Variants in CDKN2C observed in about 807,000 individuals in gnomAD.
CDKN2C encodes the protein cyclin-dependent kinase 4 inhibitor C.
In CDKN2C, 5 loss-of-function variants were observed where a neutral mutation model predicts 11.0. The ratio of observed to expected loss-of-function variants is 0.45; its 90% CI spans 0.24 to 0.95. The LOEUF (loss-of-function observed/expected upper bound fraction) is 0.95, where lower values mean the gene tolerates loss of function less well. CDKN2C is among the 40% of genes least tolerant of loss of function. The pLI is 0.21. For synonymous variants in CDKN2C, 79 were observed against 88.3 expected, an observed-to-expected ratio of 0.89 and a Z score of 0.59; for missense variants, 161 against 211.9, an observed-to-expected ratio of 0.76 and a Z score of 1.49.
At position 50,970,306 on chromosome 1, in the gene CDKN2C, A is replaced by C. The variant is rs1055006084; in HGVS notation, c.-63A>C. ...GCCATCATGCAGCCTGGTTAGGAGCAAAGGAAAGGGGAAAAAGAAAAACGA... is the reference window on the plus strand; with the variant it reads ...GCCATCATGCAGCCTGGTTAGGAGCCAAGGAAAGGGGAAAAAGAAAAACGA... On this transcript the variant is annotated 5_prime_UTR_variant, in exon 1 of 2. Coordinates refer to ENST00000371761, the MANE Select transcript of CDKN2C (RefSeq NM_078626.3). The C allele has an allele frequency of 2.4e-5, 39 of 1,604,132 alleles. No individual in the cohort carries two copies. The highest frequency in any genetic ancestry group is 3.0e-5 in the Non-Finnish European group (35 of 1,176,000).
At chr1:50,970,960 T>TC (rs1241158367) in intron 1 of CDKN2C, among the ~76,000 whole-genome samples, 1 of 152,238 alleles carries the variant, frequency 6.6e-6, no homozygotes, top group African/African-American at 2.4e-5. Flanking sequence ...TTCAAATGCT[T>TC]CAAGTTTTGA....
intron 1 of CDKN2C, among the ~76,000 whole-genome samples, chr1:50,961,014 T>TTTTTTTTA (rs1645316807): frequency 1.3e-5 from 2 of 149,590 alleles, no homozygotes; most frequent in African/African-American, 2.5e-5. Context: ...GTCAGTCTAT[T>TTTTTTTTA]TTTATTTATT....
rs183025911 is a variant in CDKN2C, at chr1:50,963,190, T to C, written c.-1976+2387T>C. Among the ~76,000 whole-genome samples the C allele has an allele frequency of 3.3e-5, 5 of 152,368 alleles. No individual in the cohort carries two copies. In the East Asian group the frequency reaches 9.6e-4, roughly 29 times the overall value. On this transcript the variant is annotated intron_variant, in intron 1 of 3. Transcript: ENST00000262662. ...TTACTATCTTTACAACACAACTTAGTGCTCCAGTAAATTTTGTAATTTTTT... is the reference window on the plus strand; with the variant it reads ...TTACTATCTTTACAACACAACTTAGCGCTCCAGTAAATTTTGTAATTTTTT...
chr1:50,967,687 T>C (rs1307222512), upstream of CDKN2C, among the ~76,000 whole-genome samples: 1 of 152,224 alleles, frequency 6.6e-6, no homozygotes, highest in Non-Finnish European at 1.5e-5. Flanking sequence ...CAATAGTTAA[T>C]TAATCTCACA....
rs2147958408 is a variant in CDKN2C at position 50,974,036 on chromosome 1, G to A, written c.273G>A (p.Glu91=). 1 of 1,614,206 alleles carries A rather than the reference G, an allele frequency of 6.2e-7. No homozygotes were observed. The highest frequency in any genetic ancestry group is 8.5e-7 in the Non-Finnish European group (1 of 1,180,036). The stretch of plus-strand genomic sequence containing the variant: ...TGGACACTTTACAGACTTTGCTGGA[G>A]TTTCAAGCTGATGTTAACATCGAGG... ...GFLDTLQTLL[E]FQADVNIEDN... Residue 91 remains glutamate (E), a synonymous_variant, in exon 2 of 2, where the codon GAG becomes GAA. Coordinates refer to ENST00000371761, the MANE Select transcript of CDKN2C (RefSeq NM_078626.3).
intron 1 of CDKN2C, among the ~76,000 whole-genome samples, chr1:50,971,319 G>T (rs919198882): frequency 3.3e-5 from 5 of 152,216 alleles, no homozygotes; most frequent in Admixed American, 6.5e-5. Flanking sequence ...GAGTTCTGAT[G>T]ATATTCTTAT....
chr1:50,963,155 A>G (rs1356429743), intron 1 of CDKN2C, among the ~76,000 whole-genome samples: 1 of 152,218 alleles, frequency 6.6e-6, no homozygotes, highest in Non-Finnish European at 1.5e-5. Context: ...CTCCTTTCTA[A>G]TTACTGCTTT....
intron 1 of CDKN2C, among the ~76,000 whole-genome samples, chr1:50,965,030 C>T (rs920663800): frequency 3.4e-5 from 5 of 146,482 alleles, no homozygotes; most frequent in South Asian, 2.2e-4. Context: ...TCTGCCTGGG[C>T]GACAAAGCGA....
At chr1:50,961,656 C>T (rs546002877) in intron 1 of CDKN2C, among the ~76,000 whole-genome samples, 52 of 152,246 alleles carry the variant, frequency 3.4e-4, no homozygotes, top group Non-Finnish European at 6.2e-4. Context: ...CATCATGTAG[C>T]ATGAAGGCCT....
At chr1:50,968,340 T>G (rs1645358581), upstream of CDKN2C, 1 of 152,496 alleles carries the variant, frequency 6.6e-6, no homozygotes, top group African/African-American at 2.4e-5. Context: ...CAGCGTACGC[T>G]GCGGAGCCTC....
At chr1:50,961,830 C>T (rs1645325979) in intron 1 of CDKN2C, among the ~76,000 whole-genome samples, 1 of 152,200 alleles carries the variant, frequency 6.6e-6, no homozygotes. Context: ...TACCACCACA[C>T]CCAGCAAGGC....
intron 1 of CDKN2C, among the ~76,000 whole-genome samples, chr1:50,971,578 TTAAG>T (rs1445240278): frequency 6.6e-6 from 1 of 152,208 alleles, no homozygotes; most frequent in Non-Finnish European, 1.5e-5. Context: ...TGCTGCTACA[TTAAG>T]TAATGATTTT....
At chr1:50,971,390 G>A (rs553248053) in intron 1 of CDKN2C, among the ~76,000 whole-genome samples, 1 of 152,260 alleles carries the variant, frequency 6.6e-6, no homozygotes, top group South Asian at 2.1e-4. Flanking sequence ...AGTGGGGAGA[G>A]GGTTTTTAGA....
intron 1 of CDKN2C, among the ~76,000 whole-genome samples, chr1:50,972,122 A>G (rs1349850845): frequency 6.6e-6 from 1 of 152,140 alleles, no homozygotes; most frequent in African/African-American, 2.4e-5. Context: ...ACATTTTTCT[A>G]TCAGGTTAAT....
chr1:50,968,597 G>C (rs1024293556), upstream of CDKN2C: 7 of 152,420 alleles, frequency 4.6e-5, no homozygotes, highest in East Asian at 1.9e-4. Flanking sequence ...GCGCGGGACC[G>C]GGCGGGCGGA....
rs767472271 is a variant in CDKN2C, at chr1:50,970,366, AG to A, written c.-2del. 6.2e-7 allele frequency: 1 copy of A among 1,614,114 alleles called. No individual in the cohort carries two copies. Among genetic ancestry groups the A allele is most frequent in the South Asian group, 1.1e-5 (1 of 91,076 alleles). On this transcript the variant is annotated 5_prime_UTR_variant, in exon 1 of 2. Coordinates refer to ENST00000371761, the MANE Select transcript of CDKN2C (RefSeq NM_078626.3). Reference sequence around the variant, plus strand: ...CTTTTCCTGATCGTCAGGACCCTAAAGAATGGCCGAGCCTTGGGGGAACGAG... The same window carrying A: ...CTTTTCCTGATCGTCAGGACCCTAAAAATGGCCGAGCCTTGGGGGAACGAG...
upstream of CDKN2C, among the ~76,000 whole-genome samples, chr1:50,965,821 T>G (rs1477506162): frequency 6.6e-6 from 1 of 152,094 alleles, no homozygotes; most frequent in Non-Finnish European, 1.5e-5. Context: ...AATTATAAAG[T>G]CACATAAAAG....
At chr1:50,965,363 T>C (rs1359817588), upstream of CDKN2C, among the ~76,000 whole-genome samples, 1 of 151,668 alleles carries the variant, frequency 6.6e-6, no homozygotes, top group Non-Finnish European at 1.5e-5. Context: ...CTGGGTGTGG[T>C]AGTGGGCGCC....
chr1:50,964,256 A>G (rs1645337187), intron 1 of CDKN2C, among the ~76,000 whole-genome samples: 1 of 152,214 alleles, frequency 6.6e-6, no homozygotes, highest in South Asian at 2.1e-4. Flanking sequence ...GTCATGTCTC[A>G]GTAGCCTCTT....
Sources: gnomAD v4.1 joint callset for allele counts (sites outside exome capture counted in the v4.1 genomes callset) on GRCh38, gnomAD v4.1.1 for gene constraint, MANE v1.5 for transcripts, NCBI Gene and HGNC (gene_info 2026-07-23, HGNC 2026-07-21) for gene names.